Variants in MYH15 observed in about 807,000 individuals in gnomAD.
MYH15 encodes myosin heavy chain 15, also known as myosin-15.
In MYH15, 227 loss-of-function variants were observed where a neutral mutation model predicts 240.5. The ratio of observed to expected loss-of-function variants is 0.94; its 90% CI spans 0.85 to 1.05. The LOEUF (loss-of-function observed/expected upper bound fraction) is 1.05. Ranked by LOEUF, MYH15 falls within the 50% of genes least tolerant of loss-of-function variation. The pLI is 0.00. For synonymous variants in MYH15, 785 were observed against 796.7 expected, an observed-to-expected ratio of 0.99 and a Z score of 0.25; for missense variants, 2,217 against 2,247.5, an observed-to-expected ratio of 0.99 and a Z score of 0.27.
At chr3:108,455,556 A>G (rs985991246) in intron 20 of MYH15, among the ~76,000 whole-genome samples, 180 bp downstream of exon 20, 3 of 152,218 alleles carry the variant, frequency 2.0e-5, no homozygotes, top group Admixed American at 6.5e-5. Flanking sequence ...AGGTTTAAAA[A>G]ACATTGAATA....
intron 33 of MYH15, among the ~76,000 whole-genome samples, chr3:108,403,652 A>G (rs750993978): frequency 2.0e-5 from 3 of 152,124 alleles, no homozygotes. Context: ...ATATTTTGTA[A>G]GATAAGCTCA....
In MYH15 at chr3:108,383,739, T is replaced by TAAA. The variant is rs397818948; in HGVS notation, c.5632-13_5632-11dup. On this transcript the variant is annotated splice_polypyrimidine_tract_variant and intron_variant, in intron 39 of 40. Coordinates refer to ENST00000693548, the MANE Select transcript of MYH15 (RefSeq NM_014981.3). ...GATTGGCTTGTGTTTCCTATAAAAA[T>TAAA]AAAAAAAAAAAAAAAGAAATCTCCA... 1.9e-3 allele frequency: 2,628 copies of TAAA among 1,350,348 alleles called. 5 individuals are homozygous for TAAA. Among genetic ancestry groups the TAAA allele is most frequent in the Non-Finnish European group, 2.2e-3 (2,223 of 1,028,568 alleles). The allele number at this position is 1,350,348 out of a possible 1,614,324, so 83.6% of individuals were successfully genotyped here.
chr3:108,455,409 T>G (rs1429075933), intron 20 of MYH15, among the ~76,000 whole-genome samples: 1 of 152,190 alleles, frequency 6.6e-6, no homozygotes, highest in Non-Finnish European at 1.5e-5. Context: ...AGCCATTAGC[T>G]CCAGGAAGCT....
At chr3:108,410,503 C>A in intron 31 of MYH15, 80 bp downstream of exon 31, 2 of 996,392 alleles carry the variant, frequency 2.0e-6, no homozygotes, top group Non-Finnish European at 2.9e-6. Context: ...TGTGAAAATG[C>A]TGAAGACAGC....
chr3:108,533,686 G>A (rs960601077), upstream of MYH15, among the ~76,000 whole-genome samples: 5 of 152,148 alleles, frequency 3.3e-5, no homozygotes, highest in African/African-American at 9.7e-5. Context: ...CCTTAATCAT[G>A]GAGGAATTGG....
chr3:108,528,051 T>C (rs943795078), intron 1 of MYH15, among the ~76,000 whole-genome samples: 2 of 152,176 alleles, frequency 1.3e-5, no homozygotes, highest in Non-Finnish European at 2.9e-5. Context: ...CACTTCCTTA[T>C]AACAGTATTA....
rs1468974093 is a variant in MYH15, at chr3:108,498,101, A to G, written c.569T>C (p.Ile190Thr). The G allele has an allele frequency of 3.1e-6, 5 of 1,614,076 alleles. No individual in the cohort carries two copies. In the South Asian group the frequency reaches 4.4e-5, roughly 14 times the overall value. Residue 190 changes from isoleucine (I) to threonine (T), a missense_variant, in exon 6 of 41, where the codon ATC becomes ACC. Coordinates refer to ENST00000693548, the MANE Select transcript of MYH15 (RefSeq NM_014981.3). ...GGCTGCTATGGTGGCAAAATACTGG[A>G]TAATATGTTTGCTGTTCACAGTCTT... ...AGKTVNSKHI[I>T]QYFATIAAMI...
chr3:108,455,346 G>A (rs2083009530), intron 20 of MYH15, among the ~76,000 whole-genome samples: 2 of 152,276 alleles, frequency 1.3e-5, no homozygotes, highest in East Asian at 3.9e-4. Flanking sequence ...TAGTCCCTAA[G>A]AGAATACTGT....
At chr3:108,407,045 T>C (rs1387880268) in intron 32 of MYH15, among the ~76,000 whole-genome samples, 1 of 152,158 alleles carries the variant, frequency 6.6e-6, no homozygotes, top group Admixed American at 6.5e-5. Flanking sequence ...ACCAACTGTG[T>C]AAGGACCAGC....
At chr3:108,435,334 T>C (rs1171565690) in intron 25 of MYH15, among the ~76,000 whole-genome samples, 1 of 152,184 alleles carries the variant, frequency 6.6e-6, no homozygotes, top group East Asian at 1.9e-4. Context: ...TAACATGAGC[T>C]CTACTCTCTT....
the MYH15 span, among the ~76,000 whole-genome samples, chr3:108,544,159 C>T: frequency 1.2e-4 from 19 of 152,076 alleles, no homozygotes; most frequent in Admixed American, 9.8e-4. Context: ...GAGACAAGTT[C>T]TTTGCATGTT....
At chr3:108,454,325 A>G (rs1470675541) in intron 20 of MYH15, among the ~76,000 whole-genome samples, 183 bp from the exon 21 acceptor site, 1 of 146,824 alleles carries the variant, frequency 6.8e-6, no homozygotes, top group Non-Finnish European at 1.5e-5. Context: ...CTAAAATGTG[A>G]AAAAAAAAAC....
intron 38 of MYH15, among the ~76,000 whole-genome samples, chr3:108,387,964 A>G (rs1434701115): frequency 6.6e-6 from 1 of 152,258 alleles, no homozygotes; most frequent in African/African-American, 2.4e-5. Flanking sequence ...CAGCCTCAGG[A>G]ACCAGAATCA....
chr3:108,504,934 A>G, intron 2 of MYH15, among the ~76,000 whole-genome samples: 1 of 152,146 alleles, frequency 6.6e-6, no homozygotes. Flanking sequence ...TGACCTCCTA[A>G]TTCTGAAATC....
intron 38 of MYH15, 133 bp downstream of exon 38, chr3:108,388,837 T>G: frequency 1.5e-6 from 1 of 665,900 alleles, no homozygotes; most frequent in African/African-American, 1.8e-5. Flanking sequence ...GGTGAGTCAG[T>G]GTCTACTGCT....
At position 108,493,696 on chromosome 3, in the gene MYH15, A is replaced by G. The variant is rs74891135; in HGVS notation, c.712-519T>C. Among the ~76,000 whole-genome samples, 627 of 152,326 alleles carry G rather than the reference A, an allele frequency of 4.1e-3. 7 individuals carry two copies. Among genetic ancestry groups the G allele is most frequent in the African/African-American group, 0.014 (600 of 41,566 alleles). On this transcript the variant is annotated intron_variant, in intron 7 of 40. Transcript: ENST00000693548. ...AAGCAGCTACTGCAACAGCTCTGAC[A>G]TAAAATCACAAGAAAAGCCAATATC...
intron 39 of MYH15, among the ~76,000 whole-genome samples, chr3:108,384,230 G>A (rs746107617): frequency 1.4e-3 from 220 of 152,158 alleles, no homozygotes; most frequent in Non-Finnish European, 2.8e-3. Context: ...TACATTCCCT[G>A]TAGTTATAGA....
Position 108,454,093 on chromosome 3 carries a change from T to G in MYH15, c.2312A>C (p.Glu771Ala). ...CAATGTGAAGACTTTAGATAGTCTC[T>G]CATCTCTTATTGCTTCCAGTTGGCC... is the stretch of plus-strand genomic sequence containing the variant. ...FLGQLEAIRD[E>A]RLSKVFTLFQ... The change falls in exon 21 of 41, where the codon GAG (glutamate) becomes GCG (alanine). Residue 771 changes from glutamate (E) to alanine (A), a missense_variant. Transcript: ENST00000693548. The G allele has an allele frequency of 1.2e-6, 2 of 1,612,648 alleles. No homozygotes were observed. Among genetic ancestry groups the G allele is most frequent in the Non-Finnish European group, 1.7e-6 (2 of 1,178,972 alleles).
At chr3:108,464,558 A>G in intron 15 of MYH15, 80 bp downstream of exon 15, 1 of 1,321,188 alleles carries the variant, frequency 7.6e-7, no homozygotes, top group Non-Finnish European at 1.0e-6. Flanking sequence ...CATTACTTAA[A>G]TATCATCTAA....
Sources: gnomAD v4.1 joint callset for allele counts (sites outside exome capture counted in the v4.1 genomes callset) on GRCh38, gnomAD v4.1.1 for gene constraint, MANE v1.5 for transcripts, NCBI Gene and HGNC (gene_info 2026-07-23, HGNC 2026-07-21) for gene names.